OR8B3: variants seen among roughly 807,000 people sequenced by gnomAD.
OR8B3 encodes the protein olfactory receptor 8B3.
For missense variants in OR8B3, 278 were observed against 377.6 expected (o/e 0.74, Z 2.19); for synonymous variants, 102 against 135.4 (o/e 0.75, Z 1.71).
chr11:124,405,635 C>G, the OR8B3 span, among the ~76,000 whole-genome samples: 2 of 152,198 alleles, frequency 1.3e-5, no homozygotes, highest in African/African-American at 4.8e-5. Flanking sequence ...GGAGAATTTT[C>G]CATGACTTCT....
At chr11:124,408,224 A>G in the OR8B3 span, among the ~76,000 whole-genome samples, 13 of 152,162 alleles carry the variant, frequency 8.5e-5, no homozygotes, top group Middle Eastern at 3.2e-3. Flanking sequence ...TAGGTGAACA[A>G]TGCTTATTTG....
At chr11:124,401,999 T>C (rs1219484416), upstream of OR8B3, among the ~76,000 whole-genome samples, 7 of 152,222 alleles carry the variant, frequency 4.6e-5, no homozygotes, top group East Asian at 3.8e-4. Flanking sequence ...GGCTGTGAAA[T>C]AGAACAGTGA....
upstream of OR8B3, among the ~76,000 whole-genome samples, chr11:124,402,217 A>G (rs1861005167): frequency 6.6e-6 from 1 of 152,236 alleles, no homozygotes; most frequent in Non-Finnish European, 1.5e-5. Flanking sequence ...ACAAAGATGT[A>G]CAACAGTACC....
chr11:124,407,607 C>G, the OR8B3 span, among the ~76,000 whole-genome samples: 1,943 of 152,180 alleles, frequency 0.013, 16 homozygotes, highest in Non-Finnish European at 0.019. Context: ...ATTCTCCTTA[C>G]ATTCCTCTCA....
chr11:124,401,929 T>C (rs904087573), upstream of OR8B3, among the ~76,000 whole-genome samples: 2 of 152,230 alleles, frequency 1.3e-5, no homozygotes, highest in African/African-American at 4.8e-5. Context: ...ATGGTCTCTG[T>C]CCTTCTCTCC....
At chr11:124,401,045 T>A (rs1477580013), upstream of OR8B3, among the ~76,000 whole-genome samples, 1 of 152,164 alleles carries the variant, frequency 6.6e-6, no homozygotes, top group Non-Finnish European at 1.5e-5. Context: ...TCTAGTTTCT[T>A]TTACAGTCAC....
chr11:124,402,828 G>C (rs1431332441), upstream of OR8B3, among the ~76,000 whole-genome samples: 1 of 112,324 alleles, frequency 8.9e-6, no homozygotes, highest in Non-Finnish European at 1.9e-5. Context: ...GTATATAAAT[G>C]ATGCTTCTTT....
upstream of OR8B3, among the ~76,000 whole-genome samples, chr11:124,403,304 G>A (rs574099777): frequency 4.1e-4 from 63 of 152,126 alleles, no homozygotes; most frequent in South Asian, 4.6e-3. Context: ...GGACAAAACC[G>A]CCATCGTCAT....
the OR8B3 span, among the ~76,000 whole-genome samples, chr11:124,406,367 G>C: frequency 1.3e-3 from 205 of 152,160 alleles, 2 homozygotes; most frequent in Admixed American, 2.6e-3. Context: ...GAAAGAGTCT[G>C]GTAAGTGTTT....
At chr11:124,408,537 G>C in the OR8B3 span, among the ~76,000 whole-genome samples, 1 of 152,166 alleles carries the variant, frequency 6.6e-6, no homozygotes, top group South Asian at 2.1e-4. Context: ...GCAGAATGGG[G>C]TCTTCTTGTC....
rs1860848379 is a variant in OR8B3 at position 124,395,584 on chromosome 11, A to G, written c.*826T>C. The G allele has an allele frequency of 6.6e-6, 1 of 152,226 alleles. No individual in the cohort carries two copies. The highest frequency in any genetic ancestry group is 1.5e-5 in the Non-Finnish European group (1 of 68,036). The allele number at this position is 152,226 out of a possible 1,614,324, so 9.4% of individuals were successfully genotyped here. A position where few individuals can be genotyped will look rare whatever the true frequency, so the allele number is the denominator to read the frequency against. On this transcript the variant is annotated 3_prime_UTR_variant, in exon 2 of 2. Coordinates refer to ENST00000641139, the MANE Select transcript of OR8B3 (RefSeq NM_001005467.2). ...CTAACTTAATGTGCAGTATTTACCT[A>G]TAACGAGTAAAAAAATAACATTTAC... is the stretch of plus-strand genomic sequence containing the variant.
chr11:124,405,876 G>C, the OR8B3 span, among the ~76,000 whole-genome samples: 11 of 152,228 alleles, frequency 7.2e-5, no homozygotes, highest in African/African-American at 2.2e-4. Context: ...CCTACCTTTG[G>C]ATCCTTCTGT....
chr11:124,401,503 C>T (rs1483669770), upstream of OR8B3, among the ~76,000 whole-genome samples: 1 of 152,192 alleles, frequency 6.6e-6, no homozygotes, highest in Non-Finnish European at 1.5e-5. Flanking sequence ...CCATTTAAAA[C>T]TTTGCTATTG....
chr11:124,396,647 T>G lies in OR8B3; in HGVS notation c.705A>C (p.Ser235=). ...ILHIKSTQGR[S]KAFSTCSSHV... ...GAGAGCTACAAGTACTGAAGGCTTT[T>G]GATCTTCCTTGAGTGGATTTGATAT... The change falls in exon 2 of 2, where the codon TCA becomes TCC. Residue 235 remains serine (S), a synonymous_variant. Transcript: ENST00000641139. 1 of 1,611,732 alleles carries G rather than the reference T, an allele frequency of 6.2e-7. No individual in the cohort carries two copies. The highest frequency in any genetic ancestry group is 1.1e-5 in the South Asian group (1 of 90,550).
the OR8B3 span, among the ~76,000 whole-genome samples, chr11:124,406,158 T>C: frequency 6.6e-6 from 1 of 152,204 alleles, no homozygotes. Context: ...AGTAGCTAAG[T>C]CTTTGTAGCT....
chr11:124,405,835 C>T, the OR8B3 span, among the ~76,000 whole-genome samples: 1 of 152,212 alleles, frequency 6.6e-6, no homozygotes, highest in South Asian at 2.1e-4. Context: ...GTTTACATTA[C>T]TGAGCCTGTG....
chr11:124,406,937 G>A, the OR8B3 span, among the ~76,000 whole-genome samples: 88 of 152,054 alleles, frequency 5.8e-4, 1 homozygote, highest in East Asian at 0.014. Flanking sequence ...ACAGATAATA[G>A]ATCAGATACC....
At chr11:124,404,843 C>G in the OR8B3 span, 3 of 152,176 alleles carry the variant, frequency 2.0e-5, no homozygotes, top group Non-Finnish European at 1.5e-5. Context: ...GGCCATCCCA[C>G]AAAGGAGATG....
chr11:124,399,887 T>C (rs1476604854), upstream of OR8B3, among the ~76,000 whole-genome samples: 4 of 22,304 alleles, frequency 1.8e-4, no homozygotes, highest in Admixed American at 6.1e-4. Flanking sequence ...AGAATTCTCT[T>C]TTTTTTTTTT....
Sources: allele counts gnomAD v4.1 joint callset (sites outside exome capture counted in the v4.1 genomes callset), GRCh38; gene constraint gnomAD v4.1.1; transcripts MANE v1.5; gene names NCBI Gene and HGNC (gene_info 2026-07-23, HGNC 2026-07-21).